MON2: variants seen among roughly 807,000 people sequenced by gnomAD.
MON2 encodes protein MON2 homolog.
MON2 carries 84 observed loss-of-function variants against 208.6 expected under a neutral mutation model. The ratio of observed to expected loss-of-function variants is 0.40; its 90% CI spans 0.34 to 0.48. The LOEUF is 0.48. Among genes scored for constraint, MON2 ranks in the 20% least tolerant of loss-of-function variants. The pLI, the probability that MON2 is intolerant of heterozygous loss-of-function variation, is 0.59. For synonymous variants in MON2, 660 were observed against 694.0 expected (o/e 0.95, Z 0.77); for missense variants, 1,611 against 2,015.4 (o/e 0.80, Z 3.84).
Position 62,478,093 on chromosome 12 carries a change from A to T in MON2, c.112-6077A>T, listed in dbSNP as rs568400443. Among the ~76,000 whole-genome samples the T allele has an allele frequency of 5.3e-5, 8 of 151,820 alleles. No individual in the cohort carries two copies. In the East Asian group the frequency reaches 1.6e-3, roughly 29 times the overall value. On this transcript the variant is annotated intron_variant, in intron 1 of 34. Coordinates refer to ENST00000393630, the MANE Select transcript of MON2 (RefSeq NM_015026.3). ...TCCCTCTCTCTCCCCTTTTTAAGTG[A>T]GTTAGAATTGGCACTTGTAGATATA...
chr12:62,526,175 A>C, intron 11 of MON2, 73 bp downstream of exon 11: 1 of 1,422,230 alleles, frequency 7.0e-7, no homozygotes, highest in Non-Finnish European at 9.7e-7. Flanking sequence ...ATTCTTCTCT[A>C]TTGTATTTTA....
chr12:62,559,769 T>C (rs1472967691), intron 25 of MON2: 9 of 104,060 alleles, frequency 8.6e-5, no homozygotes, highest in African/African-American at 3.4e-4. Flanking sequence ...TGTGATACCA[T>C]CTCTTAAAAA....
At chr12:62,475,923 A>G (rs1308987944) in intron 1 of MON2, among the ~76,000 whole-genome samples, 1 of 151,900 alleles carries the variant, frequency 6.6e-6, no homozygotes, top group East Asian at 2.0e-4. Flanking sequence ...AGGCAGGAGA[A>G]TCACTTGAAC....
chr12:62,529,350 G>T (rs1441077826), intron 11 of MON2, among the ~76,000 whole-genome samples: 1 of 152,102 alleles, frequency 6.6e-6, no homozygotes, highest in African/African-American at 2.4e-5. Context: ...GGAGTTAAAT[G>T]AGATAATACA....
rs2075435157 is a variant in MON2 at position 62,592,673 on chromosome 12, C to T, written c.5078C>T (p.Ala1693Val). 6.2e-7 allele frequency: 1 copy of T among 1,611,474 alleles called. No homozygotes were observed. The highest frequency in any genetic ancestry group is 8.5e-7 in the Non-Finnish European group (1 of 1,178,034). Reference sequence around the variant, plus strand: ...TGTTCTTCTTCAGAAGTCTGTTCTGCACTTAAAGAGGCACTAGTTCCTTTT... The same window carrying T: ...TGTTCTTCTTCAGAAGTCTGTTCTGTACTTAAAGAGGCACTAGTTCCTTTT... ...ITCSSSEVCS[A>V]LKEALVPFKD... The change falls in exon 35 of 35, where the codon GCA (alanine) becomes GTA (valine). Residue 1693 changes from alanine to valine, a missense_variant. Physicochemically the swap from Ala to Val is moderately conservative, Grantham distance 64. Coordinates refer to ENST00000393630, the MANE Select transcript of MON2 (RefSeq NM_015026.3).
intron 29 of MON2, among the ~76,000 whole-genome samples, chr12:62,569,324 G>A (rs2074500323): frequency 3.3e-5 from 5 of 152,050 alleles, no homozygotes; most frequent in Admixed American, 3.3e-4. Context: ...CATACACTCA[G>A]GCTCTGACTA....
intron 1 of MON2, among the ~76,000 whole-genome samples, chr12:62,480,120 A>G (rs757935392): frequency 4.2e-4 from 64 of 152,238 alleles, no homozygotes; most frequent in Admixed American, 4.6e-4. Context: ...GTATTTTGAC[A>G]GTAGAAACTT....
chr12:62,564,066 A>G (rs1177949928), intron 26 of MON2, among the ~76,000 whole-genome samples: 5 of 152,136 alleles, frequency 3.3e-5, no homozygotes, highest in Non-Finnish European at 4.4e-5. Flanking sequence ...ACATGGTATT[A>G]GATGTCTTTT....
chr12:62,576,939 A>G (rs1225766000), intron 30 of MON2, among the ~76,000 whole-genome samples: 1 of 151,816 alleles, frequency 6.6e-6, no homozygotes, highest in African/African-American at 2.4e-5. Flanking sequence ...AAAAGTATTA[A>G]TATTGTTAGT....
chr12:62,473,705 G>A (rs940017208), intron 1 of MON2, among the ~76,000 whole-genome samples: 8 of 152,070 alleles, frequency 5.3e-5, no homozygotes, highest in African/African-American at 1.9e-4. Flanking sequence ...GAGTAGCTGG[G>A]ACTGTAGGCA....
In MON2 at chr12:62,592,582, A is replaced by G. The variant is rs1194694459; in HGVS notation, c.4991-4A>G. ...TTTTGAGGTTTTATACTTTTGCATT[A>G]CAGTTGATGGAAATACCTGGGCACA... On this transcript the variant is annotated splice_region_variant and splice_polypyrimidine_tract_variant and intron_variant, in intron 34 of 34. Coordinates refer to ENST00000393630, the MANE Select transcript of MON2 (RefSeq NM_015026.3). 6.3e-7 allele frequency: 1 copy of G among 1,582,146 alleles called. No individual in the cohort carries two copies.
Position 62,578,482 on chromosome 12 carries a change from A to C in MON2, c.4552A>C (p.Arg1518=), listed in dbSNP as rs1021165002. The change falls in exon 31 of 35, where the codon AGA becomes CGA. Residue 1518 remains arginine (R), a synonymous_variant. Transcript: ENST00000393630. ...PDNLSIQEFQ[R]NENIDVEVVQ... is the part of the protein sequence containing the mutation. ...TAATCTCTCTATTCAAGAGTTTCAA[A>C]GAAATGAAAATATTGATGTCGAGGT... The C allele has an allele frequency of 6.6e-7, 1 of 1,504,478 alleles. No individual in the cohort carries two copies. The highest frequency in any genetic ancestry group is 2.0e-5 in the Admixed American group (1 of 51,080). 93.2% of individuals were successfully genotyped at this position (1,504,478 alleles called of 1,614,324 possible). A position where few individuals can be genotyped will look rare whatever the true frequency, so the allele number is the denominator to read the frequency against.
At chr12:62,589,912 T>G (rs1275846439) in intron 34 of MON2, among the ~76,000 whole-genome samples, 4 of 152,154 alleles carry the variant, frequency 2.6e-5, no homozygotes, top group Non-Finnish European at 5.9e-5. Flanking sequence ...GAGTTTGAAT[T>G]ATGTCTCTGG....
intron 24 of MON2, among the ~76,000 whole-genome samples, chr12:62,555,017 C>T (rs961076437): frequency 6.6e-6 from 1 of 151,848 alleles, no homozygotes; most frequent in South Asian, 2.1e-4. Context: ...AGGATGGTCT[C>T]GATCTCCTGA....
At chr12:62,516,447 G>T (rs2071694305) in intron 8 of MON2, among the ~76,000 whole-genome samples, 1 of 152,214 alleles carries the variant, frequency 6.6e-6, no homozygotes, top group Non-Finnish European at 1.5e-5. Context: ...GCTCACGCTT[G>T]TAGTCCCAGC....
intron 1 of MON2, among the ~76,000 whole-genome samples, chr12:62,470,512 G>C (rs1026512198): frequency 1.3e-5 from 2 of 151,582 alleles, no homozygotes; most frequent in Non-Finnish European, 2.9e-5. Context: ...ACTTTTTTTA[G>C]TACAACTGTA....
In MON2 at chr12:62,466,985, G is replaced by A; in HGVS notation, c.-223G>A. On this transcript the variant is annotated 5_prime_UTR_variant, in exon 1 of 35. Coordinates refer to ENST00000393630, the MANE Select transcript of MON2 (RefSeq NM_015026.3). ...TCGGCCAGAGTCGGCGGAGCCTAGC[G>A]GGACGGTGCGACTGCGGGGGGCGCC... 3.8e-6 allele frequency: 2 copies of A among 530,390 alleles called. No individual in the cohort carries two copies. The highest frequency in any genetic ancestry group is 6.7e-6 in the Non-Finnish European group (2 of 298,750). 32.9% of individuals were successfully genotyped at this position (530,390 alleles called of 1,614,324 possible).
At chr12:62,535,811 T>G (rs2072939083) in intron 14 of MON2, 102 bp downstream of exon 14, 1 of 717,740 alleles carries the variant, frequency 1.4e-6, no homozygotes. Flanking sequence ...TTTCACATAC[T>G]GACTGTGTGA....
chr12:62,574,458 C>A (rs955636390), intron 30 of MON2, among the ~76,000 whole-genome samples: 5 of 152,074 alleles, frequency 3.3e-5, no homozygotes, highest in African/African-American at 1.2e-4. Flanking sequence ...CTCACTGCGG[C>A]CTTGACCTCC....
Sources: gnomAD v4.1 joint callset for allele counts (sites outside exome capture counted in the v4.1 genomes callset) on GRCh38, gnomAD v4.1.1 for gene constraint, MANE v1.5 for transcripts, NCBI Gene and HGNC (gene_info 2026-07-23, HGNC 2026-07-21) for gene names.